RORA: variants seen among roughly 807,000 people sequenced by gnomAD.
The protein encoded by RORA is RAR related orphan receptor A, also known as nuclear receptor ROR-alpha.
In RORA, 7 loss-of-function variants were observed where a neutral mutation model predicts 69.5. The ratio of observed to expected loss-of-function variants is 0.10; its 90% CI spans 0.06 to 0.19. The LOEUF (loss-of-function observed/expected upper bound fraction) is 0.19. Among genes scored for constraint, RORA ranks in the 10% least tolerant of loss-of-function variants. The pLI is 1.00. For missense variants in RORA, 457 were observed against 663.0 expected (o/e 0.69, Z 3.41); for synonymous variants, 261 against 240.8 (o/e 1.08, Z -0.78).
intron 1 of RORA, among the ~76,000 whole-genome samples, chr15:60,992,518 T>A (rs956132020): frequency 2.6e-5 from 4 of 152,116 alleles, no homozygotes; most frequent in Non-Finnish European, 5.9e-5. Flanking sequence ...GATCTTCCTA[T>A]CCCCCACAAG....
intron 2 of RORA, among the ~76,000 whole-genome samples, chr15:60,553,086 A>G (rs1289797001): frequency 2.0e-5 from 3 of 152,196 alleles, no homozygotes; most frequent in Non-Finnish European, 4.4e-5. Context: ...GCAAGAATAT[A>G]TGTAAGCAAC....
At chr15:60,560,022 T>G (rs189857137) in intron 2 of RORA, among the ~76,000 whole-genome samples, 4,460 of 152,118 alleles carry the variant, frequency 0.029, 226 homozygotes, top group African/African-American at 0.1. Flanking sequence ...AAAATGAATT[T>G]GTGATTTTAG....
At chr15:61,153,350 C>G (rs575971426) in intron 1 of RORA, among the ~76,000 whole-genome samples, 2 of 152,324 alleles carry the variant, frequency 1.3e-5, no homozygotes, top group East Asian at 3.9e-4. Context: ...TGTTTTGATT[C>G]TCCTCCAACT....
At chr15:60,997,135 G>A (rs900302385) in intron 1 of RORA, among the ~76,000 whole-genome samples, 4 of 151,888 alleles carry the variant, frequency 2.6e-5, no homozygotes, top group Admixed American at 6.6e-5. Context: ...GTTCTCAGAC[G>A]TTTTGATGTG....
chr15:61,107,831 C>T (rs150329413), intron 1 of RORA, among the ~76,000 whole-genome samples: 199 of 151,894 alleles, frequency 1.3e-3, no homozygotes, highest in African/African-American at 4.5e-3. Flanking sequence ...ACCTGGACAC[C>T]GAATCCCAGA....
intron 2 of RORA, among the ~76,000 whole-genome samples, chr15:60,678,040 T>G (rs1010156480): frequency 1.3e-5 from 2 of 152,194 alleles, no homozygotes; most frequent in Non-Finnish European, 2.9e-5. Flanking sequence ...TGACGTGAGT[T>G]TGTAACTTAT....
intron 1 of RORA, among the ~76,000 whole-genome samples, chr15:60,863,353 T>C (rs1393037578): frequency 1.3e-5 from 2 of 152,220 alleles, no homozygotes; most frequent in African/African-American, 4.8e-5. Flanking sequence ...TTAAAAAAAA[T>C]TCATTCCCGA....
chr15:61,087,344 G>A (rs572730509), intron 1 of RORA, among the ~76,000 whole-genome samples: 3 of 152,324 alleles, frequency 2.0e-5, no homozygotes, highest in South Asian at 4.1e-4. Flanking sequence ...TTACAAACCT[G>A]TTGGATCAAT....
intron 1 of RORA, among the ~76,000 whole-genome samples, chr15:61,155,334 A>T (rs763186378): frequency 2.0e-5 from 3 of 152,262 alleles, no homozygotes; most frequent in Non-Finnish European, 2.9e-5. Flanking sequence ...CTAAATAAAT[A>T]AATTTAAGGT....
At chr15:60,591,074 T>A (rs925551072) in intron 2 of RORA, among the ~76,000 whole-genome samples, 1 of 152,196 alleles carries the variant, frequency 6.6e-6, no homozygotes, top group Non-Finnish European at 1.5e-5. Flanking sequence ...TCATTCCAGA[T>A]TGCAACACAA....
chr15:60,639,524 C>T (rs1338137557), intron 2 of RORA, among the ~76,000 whole-genome samples: 1 of 152,150 alleles, frequency 6.6e-6, no homozygotes, highest in Non-Finnish European at 1.5e-5. Context: ...GGGAAAATTT[C>T]CTTCCGCTCA....
At chr15:60,935,812 A>C (rs979712223) in intron 1 of RORA, among the ~76,000 whole-genome samples, 3 of 152,240 alleles carry the variant, frequency 2.0e-5, no homozygotes, top group Non-Finnish European at 2.9e-5. Context: ...ATGATCAGCA[A>C]AATGTGACCC....
intron 1 of RORA, among the ~76,000 whole-genome samples, chr15:61,223,620 G>C (rs1363219258): frequency 6.6e-6 from 1 of 152,168 alleles, no homozygotes; most frequent in Non-Finnish European, 1.5e-5. Flanking sequence ...TGTACAATTG[G>C]AATTCATACT....
In RORA at chr15:61,134,447, C is replaced by T. The variant is rs566501885; in HGVS notation, c.166+94606G>A. ...ACAAGGCCAGAGGTTCTAACAGCAT[C>T]TCATAAACTCTGCAAGGCAGGAGCA... On this transcript the variant is annotated intron_variant, in intron 1 of 10. Coordinates refer to ENST00000335670, the MANE Select transcript of RORA (RefSeq NM_134261.3). Among the ~76,000 whole-genome samples the T allele has an allele frequency of 2.6e-5, 4 of 152,296 alleles. No individual in the cohort carries two copies. In the South Asian group the frequency reaches 8.3e-4, roughly 32 times the overall value.
intron 1 of RORA, among the ~76,000 whole-genome samples, chr15:60,798,321 T>C (rs560962716): frequency 1.3e-5 from 2 of 152,182 alleles, no homozygotes; most frequent in African/African-American, 4.8e-5. Context: ...CTATGAAATA[T>C]ACTTCATAAT....
intron 2 of RORA, among the ~76,000 whole-genome samples, chr15:60,569,759 G>C (rs1883826036): frequency 6.6e-6 from 1 of 152,182 alleles, no homozygotes; most frequent in Non-Finnish European, 1.5e-5. Context: ...GACAAGGAAG[G>C]TTTTGAGTAA....
At chr15:60,562,170 G>C (rs1332716844) in intron 2 of RORA, among the ~76,000 whole-genome samples, 1 of 152,036 alleles carries the variant, frequency 6.6e-6, no homozygotes, top group African/African-American at 2.4e-5. Context: ...CCCGACCTCA[G>C]GTGATCTGCC....
At chr15:61,206,490 T>G (rs557965572) in intron 1 of RORA, among the ~76,000 whole-genome samples, 1 of 152,320 alleles carries the variant, frequency 6.6e-6, no homozygotes, top group East Asian at 1.9e-4. Context: ...ATCTCATAAC[T>G]TAGCCAGAGA....
chr15:60,916,609 C>T (rs980301721), intron 1 of RORA, among the ~76,000 whole-genome samples: 2 of 104,202 alleles, frequency 1.9e-5, no homozygotes, highest in Non-Finnish European at 4.8e-5. Context: ...ATTAGAATTG[C>T]CTGGATATAT....
Sources: allele counts gnomAD v4.1 joint callset (sites outside exome capture counted in the v4.1 genomes callset), GRCh38; gene constraint gnomAD v4.1.1; transcripts MANE v1.5; gene names NCBI Gene and HGNC (gene_info 2026-07-23, HGNC 2026-07-21).